Variants in ANK2 observed in about 807,000 individuals in gnomAD.
The protein encoded by ANK2 is ankyrin 2, also known as ankyrin-2.
Under a neutral mutation model 360.5 loss-of-function variants are expected in ANK2, and 83 were observed. That is an observed-to-expected ratio of 0.23 (90% CI 0.19 to 0.28). The LOEUF is 0.28. ANK2 is among the 10% of genes least tolerant of loss of function. The pLI is 1.00. For synonymous variants in ANK2, 1,740 were observed against 1,759.5 expected, an observed-to-expected ratio of 0.99 and a Z score of 0.28; for missense variants, 4,201 against 4,795.7, an observed-to-expected ratio of 0.88 and a Z score of 3.66.
chr4:112,705,856 G>A, the ANK2 span, among the ~76,000 whole-genome samples: 1 of 152,056 alleles, frequency 6.6e-6, no homozygotes, highest in African/African-American at 2.4e-5. Context: ...GCGCTGGGAA[G>A]GGGCAGCTGC....
intron 2 of ANK2, among the ~76,000 whole-genome samples, chr4:112,988,245 C>T (rs2154276892): frequency 6.6e-6 from 1 of 152,328 alleles, no homozygotes; most frequent in South Asian, 2.1e-4. Flanking sequence ...ACAGAAAACC[C>T]CTTGCTCTCT....
chr4:113,008,371 G>T (rs2053621024), intron 2 of ANK2, among the ~76,000 whole-genome samples: 1 of 152,038 alleles, frequency 6.6e-6, no homozygotes, highest in African/African-American at 2.4e-5. Context: ...ATTCTGATAT[G>T]CCAATAGAAA....
chr4:113,163,214 G>A (rs1216961943), intron 1 of ANK2, among the ~76,000 whole-genome samples: 1 of 152,062 alleles, frequency 6.6e-6, no homozygotes, highest in Non-Finnish European at 1.5e-5. Flanking sequence ...GATGCAAAAT[G>A]CCTTTATATA....
At chr4:113,048,847 C>T (rs1332390745), upstream of ANK2, among the ~76,000 whole-genome samples, 1 of 151,286 alleles carries the variant, frequency 6.6e-6, no homozygotes, top group Admixed American at 6.6e-5. Flanking sequence ...TTTAACAAGC[C>T]TTGATTAACT....
chr4:113,218,240 T>A (rs2099109125), intron 4 of ANK2, among the ~76,000 whole-genome samples: 1 of 152,172 alleles, frequency 6.6e-6, no homozygotes, highest in African/African-American at 2.4e-5. Context: ...ATACCAGACA[T>A]GGAGTGAGAA....
At chr4:112,805,027 TAAG>T in the ANK2 span, among the ~76,000 whole-genome samples, 1 of 152,070 alleles carries the variant, frequency 6.6e-6, no homozygotes, top group African/African-American at 2.4e-5. Context: ...GAAGAACCAA[TAAG>T]AACAGTTAAT....
At chr4:112,720,237 A>T in the ANK2 span, among the ~76,000 whole-genome samples, 1 of 152,122 alleles carries the variant, frequency 6.6e-6, no homozygotes, top group African/African-American at 2.4e-5. Context: ...TGTCTCCTCA[A>T]CAGCATCTTT....
At chr4:113,313,079 G>A (rs2080950771) in intron 24 of ANK2, among the ~76,000 whole-genome samples, 1 of 152,166 alleles carries the variant, frequency 6.6e-6, no homozygotes, top group Non-Finnish European at 1.5e-5. Context: ...ATTAAATTGA[G>A]TCCTTGGCTT....
the ANK2 span, among the ~76,000 whole-genome samples, chr4:112,757,112 CTTTT>C: frequency 7.4e-6 from 1 of 135,332 alleles, no homozygotes; most frequent in Admixed American, 7.5e-5. Context: ...CTTTTCTTTT[CTTTT>C]TTTTTTTTTT....
chr4:113,273,977 C>G (rs761140288), intron 14 of ANK2, among the ~76,000 whole-genome samples: 8 of 152,156 alleles, frequency 5.3e-5, no homozygotes, highest in African/African-American at 1.7e-4. Context: ...AAATGACCAG[C>G]ATTTGTATCC....
chr4:113,243,045 T>C (rs1563121548), intron 9 of ANK2, among the ~76,000 whole-genome samples: 2 of 152,204 alleles, frequency 1.3e-5, no homozygotes, highest in Admixed American at 1.3e-4. Context: ...CTCTTCATAA[T>C]ATTTGATAAT....
At chr4:112,791,520 G>T in the ANK2 span, among the ~76,000 whole-genome samples, 7 of 130,550 alleles carry the variant, frequency 5.4e-5, no homozygotes, top group East Asian at 1.6e-3. Flanking sequence ...ACAGGGTCTG[G>T]CTCTGTTGCC....
chr4:112,886,155 T>G (rs921962682), intron 1 of ANK2, among the ~76,000 whole-genome samples: 2 of 152,158 alleles, frequency 1.3e-5, no homozygotes, highest in African/African-American at 4.8e-5. Context: ...AAAGCTGATC[T>G]GCACGTGTAT....
chr4:112,751,827 C>A, the ANK2 span, among the ~76,000 whole-genome samples: 2 of 152,036 alleles, frequency 1.3e-5, no homozygotes, highest in African/African-American at 4.8e-5. Flanking sequence ...AATTTTGGAC[C>A]ATTTCTTATA....
the ANK2 span, chr4:112,738,960 A>T: frequency 1.4e-6 from 1 of 707,652 alleles, no homozygotes; most frequent in Non-Finnish European, 2.5e-6. Flanking sequence ...AAGGAGCTGG[A>T]AGTGCTGCTG....
intron 2 of ANK2, among the ~76,000 whole-genome samples, chr4:113,177,181 C>T (rs977870086): frequency 5.3e-5 from 8 of 152,120 alleles, no homozygotes; most frequent in Admixed American, 2.0e-4. Context: ...CTGGGGTTCA[C>T]GCCATTCTCC....
intron 1 of ANK2, among the ~76,000 whole-genome samples, chr4:113,109,581 T>C (rs551677937): frequency 6.6e-6 from 1 of 152,320 alleles, no homozygotes; most frequent in Admixed American, 6.5e-5. Flanking sequence ...GATATCTGCC[T>C]TCTTGCCTGG....
chr4:112,878,182 C>CTATCTATCTATCTATCTATCTATT (rs1214273945), intron 1 of ANK2, among the ~76,000 whole-genome samples: 5 of 151,924 alleles, frequency 3.3e-5, no homozygotes, highest in African/African-American at 1.2e-4. Flanking sequence ...ATCTATCTAT[C>CTATCTATCTATCTATCTATCTATT]TCCTTTTGCC....
chr4:113,245,098 A>G (rs2042146716), intron 9 of ANK2, among the ~76,000 whole-genome samples: 1 of 152,240 alleles, frequency 6.6e-6, no homozygotes, highest in East Asian at 1.9e-4. Context: ...CTTTCCCCCC[A>G]TAAGTTGAAA....
Sources: allele counts gnomAD v4.1 joint callset (sites outside exome capture counted in the v4.1 genomes callset), GRCh38; gene constraint gnomAD v4.1.1; transcripts MANE v1.5; gene names NCBI Gene and HGNC (gene_info 2026-07-23, HGNC 2026-07-21).